MS4A14: variants seen among roughly 807,000 people sequenced by gnomAD.
MS4A14 encodes the protein membrane-spanning 4-domains subfamily A member 14.
In MS4A14, 18 loss-of-function variants were observed where a neutral mutation model predicts 16.7. The ratio of observed to expected loss-of-function variants is 1.08; its 90% CI spans 0.75 to 1.60. The LOEUF (loss-of-function observed/expected upper bound fraction) is 1.60. Ranked by LOEUF, MS4A14 falls within the 40% of genes most tolerant of loss-of-function variation. MS4A14 has a pLI of 0.00. For missense variants in MS4A14, 812 were observed against 775.3 expected, an observed-to-expected ratio of 1.05 and a Z score of -0.56; for synonymous variants, 305 against 289.4, an observed-to-expected ratio of 1.05 and a Z score of -0.55.
At position 60,410,515 on chromosome 11, in the gene MS4A14, T is replaced by C. The variant is rs146166869; in HGVS notation, c.469-4922T>C. ...CTTTCTTGTCACATCCATGAAATTA[T>C]TGCCAAATTGTCATGAAGATATCTT... On this transcript the variant is annotated intron_variant, in intron 4 of 4. Coordinates refer to ENST00000300187, the MANE Select transcript of MS4A14 (RefSeq NM_032597.5). Among the ~76,000 whole-genome samples, 797 of 152,360 alleles carry C rather than the reference T, an allele frequency of 5.2e-3. 7 individuals carry two copies. Among genetic ancestry groups the C allele is most frequent in the African/African-American group, 0.018 (767 of 41,582 alleles).
intron 4 of MS4A14, among the ~76,000 whole-genome samples, chr11:60,413,052 C>T (rs1321387420): frequency 1.3e-5 from 2 of 151,782 alleles, no homozygotes; most frequent in African/African-American, 4.8e-5. Context: ...AATGTATAAG[C>T]CTTATGCATA....
chr11:60,409,470 A>C (rs1289281461), intron 4 of MS4A14, among the ~76,000 whole-genome samples: 2 of 151,740 alleles, frequency 1.3e-5, no homozygotes, highest in Non-Finnish European at 2.9e-5. Context: ...CCTCCAGGTT[A>C]ATGCATGTTG....
Position 60,396,884 on chromosome 11 carries a change from AG to A in MS4A14, c.138+173del, listed in dbSNP as rs371178702. On this transcript the variant is annotated intron_variant, in intron 1 of 4. Coordinates refer to ENST00000300187, the MANE Select transcript of MS4A14 (RefSeq NM_032597.5). Reference sequence around the variant, plus strand: ...AGTACTGATCTTTGAATCCCAGCAGAGGGGGAAGCAAGAAACTAGTATAACT... The same window carrying A: ...AGTACTGATCTTTGAATCCCAGCAGAGGGGAAGCAAGAAACTAGTATAACT... 4.5e-3 allele frequency among the ~76,000 whole-genome samples: 682 copies of A among 152,264 alleles called. 2 individuals carry two copies. Among genetic ancestry groups the A allele is most frequent in the Middle Eastern group, 0.01 (3 of 294 alleles).
chr11:60,397,721 T>C (rs868512641), intron 1 of MS4A14, 131 bp from the exon 2 acceptor site: 33 of 795,926 alleles, frequency 4.1e-5, no homozygotes, highest in Non-Finnish European at 6.0e-5. Context: ...CTGAGAATGA[T>C]TGACAAATGA....
intron 2 of MS4A14, among the ~76,000 whole-genome samples, chr11:60,399,785 G>A (rs1422876829): frequency 6.6e-6 from 1 of 152,094 alleles, no homozygotes; most frequent in Non-Finnish European, 1.5e-5. Flanking sequence ...AGGTATCAAA[G>A]GTAACTTTCT....
At chr11:60,405,415 T>C (rs929768905) in intron 4 of MS4A14, among the ~76,000 whole-genome samples, 4 of 152,196 alleles carry the variant, frequency 2.6e-5, no homozygotes, top group African/African-American at 9.6e-5. Context: ...CTTTCTGTCT[T>C]CATAGTTTAA....
chr11:60,402,995 T>C lies in MS4A14; in HGVS notation c.402T>C (p.His134=), dbSNP rs2085737232. ...CTTTCACCATTCTCAGCTACAGACA[T>C]CAAGACAAGTACTGCCAGATGCCAT... ...GITFTILSYR[H]QDKYCQMPSF... The change falls in exon 4 of 5, where the codon CAT becomes CAC. Residue 134 remains histidine (H), a synonymous_variant. Coordinates refer to ENST00000300187, the MANE Select transcript of MS4A14 (RefSeq NM_032597.5). The C allele has an allele frequency of 6.2e-7, 1 of 1,613,768 alleles. No individual in the cohort carries two copies. The highest frequency in any genetic ancestry group is 8.5e-7 in the Non-Finnish European group (1 of 1,179,816).
chr11:60,402,904 T>A lies in MS4A14; in HGVS notation c.319-8T>A. ...TATTTATTTTATCATTTTTAAACTATCTTTCAGGGTCAAGGTGTCACGGGC... is the reference window on the plus strand; with the variant it reads ...TATTTATTTTATCATTTTTAAACTAACTTTCAGGGTCAAGGTGTCACGGGC... On this transcript the variant is annotated splice_region_variant and splice_polypyrimidine_tract_variant and intron_variant, in intron 3 of 4. Coordinates refer to ENST00000300187, the MANE Select transcript of MS4A14 (RefSeq NM_032597.5). 6.2e-7 allele frequency: 1 copy of A among 1,610,248 alleles called. No individual in the cohort carries two copies. Among genetic ancestry groups the A allele is most frequent in the African/African-American group, 1.3e-5 (1 of 74,838 alleles).
intron 4 of MS4A14, among the ~76,000 whole-genome samples, chr11:60,414,548 G>A (rs1051419748): frequency 1.3e-5 from 2 of 152,100 alleles, no homozygotes; most frequent in Non-Finnish European, 2.9e-5. Context: ...TTGTGCTGCA[G>A]TAACAACCTC....
In MS4A14 at chr11:60,415,631, AG is replaced by A. The variant is rs2085928352; in HGVS notation, c.665del (p.Gly222ValfsTer34). 3 of 1,613,704 alleles carry A rather than the reference AG, an allele frequency of 1.9e-6. No individual in the cohort carries two copies. Among genetic ancestry groups the A allele is most frequent in the African/African-American group, 2.7e-5 (2 of 74,876 alleles). ...LSRSPLVSQP[G>X]NKGREFVPDE... ...CTAGGAGTCCTTTAGTCTCCCAACC[AG>A]GTAATAAAGGTAGAGAATTTGTGCC... On this transcript the variant is annotated frameshift_variant, in exon 5 of 5. Coordinates refer to ENST00000300187, the MANE Select transcript of MS4A14 (RefSeq NM_032597.5). LOFTEE classifies it low-confidence loss of function (END_TRUNC).
chr11:60,414,503 G>A (rs540353220), intron 4 of MS4A14, among the ~76,000 whole-genome samples: 8 of 152,182 alleles, frequency 5.3e-5, no homozygotes, highest in Admixed American at 2.0e-4. Flanking sequence ...TCTCAGAAAG[G>A]TGTAATTCAT....
chr11:60,404,047 C>T (rs2085752500), intron 4 of MS4A14, among the ~76,000 whole-genome samples: 1 of 152,158 alleles, frequency 6.6e-6, no homozygotes, highest in Non-Finnish European at 1.5e-5. Context: ...AAAACCCTGT[C>T]CTAACTGGGC....
At chr11:60,406,448 A>T (rs2085787564) in intron 4 of MS4A14, among the ~76,000 whole-genome samples, 1 of 152,226 alleles carries the variant, frequency 6.6e-6, no homozygotes, top group Non-Finnish European at 1.5e-5. Flanking sequence ...TATGTCAGTC[A>T]CTGTTATAAT....
chr11:60,403,648 GT>G (rs2085747138), intron 4 of MS4A14, among the ~76,000 whole-genome samples: 1 of 152,170 alleles, frequency 6.6e-6, no homozygotes, highest in Non-Finnish European at 1.5e-5. Flanking sequence ...AGGAAATGTA[GT>G]TGTCTGTGCA....
chr11:60,411,774 T>C (rs1203654666), intron 4 of MS4A14, among the ~76,000 whole-genome samples: 2 of 152,186 alleles, frequency 1.3e-5, no homozygotes, highest in African/African-American at 4.8e-5. Context: ...TATTTTCTAA[T>C]AGCTCTAGCT....
rs745726123 is a variant in MS4A14, at chr11:60,416,014, A to G, written c.1046A>G (p.Asn349Ser). ...TCATCCCATGTCAAACAGTCTTCTA[A>G]TCTGACAGCTAATGACCTGCCCCCT... ...STSSHVKQSS[N>S]LTANDLPPQG... The change falls in exon 5 of 5, where the codon AAT (asparagine) becomes AGT (serine). Residue 349 changes from asparagine to serine, a missense_variant. Asn to Ser is a conservative substitution (Grantham distance 46). Coordinates refer to ENST00000300187, the MANE Select transcript of MS4A14 (RefSeq NM_032597.5). The G allele has an allele frequency of 1.5e-5, 25 of 1,613,788 alleles. No individual in the cohort carries two copies. The highest frequency in any genetic ancestry group is 2.0e-5 in the Non-Finnish European group (24 of 1,179,948).
chr11:60,397,881 T>C lies in MS4A14; in HGVS notation c.168T>C (p.Ile56=), dbSNP rs780721845. 1 of 219,850 alleles carries C rather than the reference T, an allele frequency of 4.5e-6. No homozygotes were observed. The highest frequency in any genetic ancestry group is 4.9e-5 in the African/African-American group (1 of 20,316). 13.6% of individuals were successfully genotyped at this position (219,850 alleles called of 1,614,324 possible). A position where few individuals can be genotyped will look rare whatever the true frequency, so the allele number is the denominator to read the frequency against. Residue 56 remains isoleucine (I), a synonymous_variant, in exon 2 of 5, where the codon ATT becomes ATC. Coordinates refer to ENST00000300187, the MANE Select transcript of MS4A14 (RefSeq NM_032597.5). The part of the protein sequence containing the change: ...GATQILLALI[I]VGFGTIFALN... Reference sequence around the variant, plus strand: ...CCCAGATCCTGCTTGCTCTAATCATTGTGGGCTTTGGAACTATATTTGCAC... The same window carrying C: ...CCCAGATCCTGCTTGCTCTAATCATCGTGGGCTTTGGAACTATATTTGCAC...
At chr11:60,402,168 C>CCG in intron 3 of MS4A14, among the ~76,000 whole-genome samples, 1 of 151,712 alleles carries the variant, frequency 6.6e-6, no homozygotes, top group Non-Finnish European at 1.5e-5. Context: ...CCCACCCACC[C>CCG]ACACCCCCCT....
rs769516530 is a variant in MS4A14 at position 60,416,367 on chromosome 11, G to C, written c.1399G>C (p.Glu467Gln). ...YQDIRSEVME[E>Q]TKEWKSEEEL... ...AGATATTAGATCAGAAGTTATGGAA[G>C]AGACCAAAGAATGGAAATCTGAGGA... Residue 467 changes from glutamate (E) to glutamine (Q), a missense_variant, in exon 5 of 5, where the codon GAG (glutamate) becomes CAG (glutamine). By Grantham distance (29) the Glu-to-Gln change is conservative. Coordinates refer to ENST00000300187, the MANE Select transcript of MS4A14 (RefSeq NM_032597.5). 6.2e-7 allele frequency: 1 copy of C among 1,613,978 alleles called. No homozygotes were observed.
Sources: allele counts gnomAD v4.1 joint callset (sites outside exome capture counted in the v4.1 genomes callset), GRCh38; gene constraint gnomAD v4.1.1; transcripts MANE v1.5; gene names NCBI Gene and HGNC (gene_info 2026-07-23, HGNC 2026-07-21).